LZTS1: variants seen among roughly 807,000 people sequenced by gnomAD.
LZTS1 encodes leucine zipper tumor suppressor 1.
In LZTS1, 31 loss-of-function variants were observed where a neutral mutation model predicts 45.8. That is an observed-to-expected ratio of 0.68 (90% CI 0.51 to 0.91). The LOEUF (loss-of-function observed/expected upper bound fraction) is 0.91, where lower values mean the gene tolerates loss of function less well. Ranked by LOEUF, LZTS1 falls within the 40% of genes least tolerant of loss-of-function variation. The probability of loss-of-function intolerance (pLI) is 0.00; values close to 1 mark genes in which losing one functional copy is unlikely to be tolerated. For missense variants in LZTS1, 821 were observed against 788.9 expected, an observed-to-expected ratio of 1.04 and a Z score of -0.49; for synonymous variants, 359 against 357.3, an observed-to-expected ratio of 1.00 and a Z score of -0.05.
chr8:20,301,161 G>T (rs1345954085), intron 1 of LZTS1, among the ~76,000 whole-genome samples: 3 of 150,212 alleles, frequency 2.0e-5, no homozygotes, highest in Non-Finnish European at 2.9e-5. Context: ...AGCCAGTTAA[G>T]TGGAGAAGGT....
At chr8:20,269,916 C>A (rs1386378318) in intron 1 of LZTS1, among the ~76,000 whole-genome samples, 1 of 152,194 alleles carries the variant, frequency 6.6e-6, no homozygotes, top group Non-Finnish European at 1.5e-5. Context: ...CCATTTCATG[C>A]CAGGAGATGG....
chr8:20,270,643 AAGGCGC>A (rs1277012768), intron 1 of LZTS1, among the ~76,000 whole-genome samples: 2 of 152,024 alleles, frequency 1.3e-5, no homozygotes, highest in African/African-American at 4.8e-5. Flanking sequence ...CTTAGGACAA[AAGGCGC>A]AGACTCCTCC....
intron 1 of LZTS1, among the ~76,000 whole-genome samples, chr8:20,300,672 T>A (rs1478819442): frequency 6.6e-6 from 1 of 152,142 alleles, no homozygotes; most frequent in African/African-American, 2.4e-5. Context: ...TGATGCAATC[T>A]CTGCTTCTAG....
rs1430091890 is a variant in LZTS1, at chr8:20,247,775, C to G, written c.*1947G>C. 3.9e-5 allele frequency: 6 copies of G among 152,584 alleles called. No individual in the cohort carries two copies. In the East Asian group the frequency reaches 1.2e-3, roughly 29 times the overall value. 9.5% of individuals were successfully genotyped at this position (152,584 alleles called of 1,614,324 possible). On this transcript the variant is annotated 3_prime_UTR_variant, in exon 4 of 4. Coordinates refer to ENST00000381569, the MANE Select transcript of LZTS1 (RefSeq NM_021020.5). ...GGGGGGCAAGGAGAGAAGCATCTCC[C>G]CACCCCTACCTCGGGGTCTCTAAGG... is the stretch of plus-strand genomic sequence containing the variant.
chr8:20,251,140 T>TATATATATATATATATATATATAA (rs1563850986), intron 3 of LZTS1, among the ~76,000 whole-genome samples: 9 of 86,436 alleles, frequency 1.0e-4, no homozygotes, highest in African/African-American at 4.5e-4. Flanking sequence ...TATATATATA[T>TATATATATATATATATATATATAA]ATATATATAA....
intron 1 of LZTS1, among the ~76,000 whole-genome samples, chr8:20,269,277 A>G (rs1362880723): frequency 6.6e-6 from 1 of 152,144 alleles, no homozygotes; most frequent in Non-Finnish European, 1.5e-5. Context: ...GACCCGTGAT[A>G]CAGATCTTAA....
At position 20,283,505 on chromosome 8, in the gene LZTS1, A is replaced by AT. The variant is rs139683925; in HGVS notation, c.-135+20234dup. Reference sequence around the variant, plus strand: ...GCCTATTGGCTACCTCGTTCATGGTATTTTTTTATAGCCGCCCGAACAGAC... The same window carrying AT: ...GCCTATTGGCTACCTCGTTCATGGTATTTTTTTTATAGCCGCCCGAACAGAC... On this transcript the variant is annotated intron_variant, in intron 1 of 3. Transcript: ENST00000381569. Among the ~76,000 whole-genome samples, 21 of 152,126 alleles carry AT rather than the reference A, an allele frequency of 1.4e-4. 1 individual carries two copies. Among genetic ancestry groups the AT allele is most frequent in the Middle Eastern group, 3.4e-3 (1 of 294 alleles).
rs1563847524 is a variant in LZTS1 at position 20,249,904 on chromosome 8, C to G, written c.1609G>C (p.Glu537Gln). 5 of 1,614,198 alleles carry G rather than the reference C, an allele frequency of 3.1e-6. No homozygotes were observed. Among genetic ancestry groups the G allele is most frequent in the South Asian group, 1.1e-5 (1 of 91,088 alleles). Residue 537 changes from glutamate (E) to glutamine (Q), a missense_variant, in exon 4 of 4, where the codon GAG becomes CAG. Physicochemically the swap from Glu to Gln is conservative, Grantham distance 29. Coordinates refer to ENST00000381569, the MANE Select transcript of LZTS1 (RefSeq NM_021020.5). ...TGTTTCTGGTACTGAATCACCTTCT[C>G]CTTCTCCTCCTTCCACACGAGCCGC... ...HERLVWKEEK[E>Q]KVIQYQKQLQ...
chr8:20,285,824 A>T (rs1800783443), intron 1 of LZTS1, among the ~76,000 whole-genome samples: 1 of 152,240 alleles, frequency 6.6e-6, no homozygotes, highest in African/African-American at 2.4e-5. Flanking sequence ...GATACAGGTA[A>T]ATAAATTGAC....
At chr8:20,288,529 C>T (rs1050800000) in intron 1 of LZTS1, among the ~76,000 whole-genome samples, 7 of 152,196 alleles carry the variant, frequency 4.6e-5, no homozygotes, top group Admixed American at 6.5e-5. Flanking sequence ...TCACCCCAAC[C>T]CCAAGAGGGT....
chr8:20,270,605 C>A (rs1429688119), intron 1 of LZTS1, among the ~76,000 whole-genome samples: 1 of 152,050 alleles, frequency 6.6e-6, no homozygotes, highest in Admixed American at 6.6e-5. Flanking sequence ...CCCAGGAGGG[C>A]TTTGGTTTGG....
intron 1 of LZTS1, 149 bp downstream of exon 1, chr8:20,303,591 A>T: frequency 1.5e-6 from 1 of 659,614 alleles, no homozygotes; most frequent in African/African-American, 2.0e-5. Flanking sequence ...GGAGACAAAG[A>T]CACCTCGACA....
chr8:20,253,398 G>A lies in LZTS1; in HGVS notation c.533C>T (p.Ser178Phe). ...SGALSDSGRN[S>F]MSSLPTHSTS... ...GCTGTGTGTGGGCAGGCTGGACATG[G>A]AGTTCCGGCCGGAGTCTGACAGCGC... Residue 178 changes from serine to phenylalanine, a missense_variant, in exon 3 of 4, where the codon TCC becomes TTC. By Grantham distance (155) the Ser-to-Phe change is radical. Coordinates refer to ENST00000381569, the MANE Select transcript of LZTS1 (RefSeq NM_021020.5). 6.2e-7 allele frequency: 1 copy of A among 1,612,440 alleles called. No homozygotes were observed. The highest frequency in any genetic ancestry group is 8.5e-7 in the Non-Finnish European group (1 of 1,179,006).
chr8:20,279,681 C>CAAAAAAAAAA lies in LZTS1; in HGVS notation c.-135+24049_-135+24058dup. 2.8e-5 allele frequency among the ~76,000 whole-genome samples: 2 copies of CAAAAAAAAAA among 70,952 alleles called. 1 individual carries two copies. The highest frequency in any genetic ancestry group is 5.0e-5 in the Non-Finnish European group (2 of 39,646). 46.5% of individuals were successfully genotyped at this position (70,952 alleles called of 152,430 possible). The stretch of plus-strand genomic sequence containing the variant: ...TGGGTGATGGAGCAAGACCCTGTCT[C>CAAAAAAAAAA]AAAAAAAAAAAAAAAAAAAAAGAGG... On this transcript the variant is annotated intron_variant, in intron 1 of 3. Transcript: ENST00000381569.
chr8:20,288,310 G>C (rs1585301172), intron 1 of LZTS1, among the ~76,000 whole-genome samples: 1 of 152,220 alleles, frequency 6.6e-6, no homozygotes, highest in Non-Finnish European at 1.5e-5. Context: ...GTCTCAGGAA[G>C]TGGGTGGCCA....
Position 20,247,963 on chromosome 8 carries a change from C to A in LZTS1, c.*1759G>T, listed in dbSNP as rs912426665. ...AGTCAAAAATAGAACATGGAACAGC[C>A]TGCTAGGTCTGGCTTGCTTCTGAAA... is the stretch of plus-strand genomic sequence containing the variant. On this transcript the variant is annotated 3_prime_UTR_variant, in exon 4 of 4. Coordinates refer to ENST00000381569, the MANE Select transcript of LZTS1 (RefSeq NM_021020.5). 1 of 152,606 alleles carries A rather than the reference C, an allele frequency of 6.6e-6. No homozygotes were observed. Among genetic ancestry groups the A allele is most frequent in the Non-Finnish European group, 1.5e-5 (1 of 68,076 alleles). 9.5% of individuals were successfully genotyped at this position (152,606 alleles called of 1,614,324 possible).
At chr8:20,297,657 C>T (rs1166231117) in intron 1 of LZTS1, among the ~76,000 whole-genome samples, 3 of 152,070 alleles carry the variant, frequency 2.0e-5, no homozygotes, top group South Asian at 2.1e-4. Flanking sequence ...CTCTGGTGAT[C>T]GGCTCACCTT....
intron 1 of LZTS1, among the ~76,000 whole-genome samples, chr8:20,259,465 G>A (rs944258697): frequency 2.0e-5 from 3 of 152,094 alleles, no homozygotes; most frequent in African/African-American, 7.2e-5. Context: ...GGCCTTGAAG[G>A]AGCCTCCCAA....
intron 1 of LZTS1, chr8:20,289,070 AT>A (rs1554555292): frequency 7.6e-6 from 1 of 131,172 alleles, no homozygotes; most frequent in Non-Finnish European, 1.6e-5. Context: ...CTCTTTTTAC[AT>A]TTGTTTCCAA....
Sources: gnomAD v4.1 joint callset for allele counts (sites outside exome capture counted in the v4.1 genomes callset) on GRCh38, gnomAD v4.1.1 for gene constraint, MANE v1.5 for transcripts, NCBI Gene and HGNC (gene_info 2026-07-23, HGNC 2026-07-21) for gene names.